Variants in QSOX2 observed in about 807,000 individuals in gnomAD.
QSOX2 encodes sulfhydryl oxidase 2.
QSOX2 carries 46 observed loss-of-function variants against 61.7 expected under a neutral mutation model. The observed-to-expected ratio is 0.75, with a 90% confidence interval of 0.59 to 0.95. The LOEUF is 0.95. QSOX2 is among the 40% of genes least tolerant of loss of function. The probability of loss-of-function intolerance (pLI) is 0.00; values close to 1 mark genes in which losing one functional copy is unlikely to be tolerated. For missense variants in QSOX2, 879 were observed against 918.9 expected, an observed-to-expected ratio of 0.96 and a Z score of 0.56; for synonymous variants, 383 against 388.4, an observed-to-expected ratio of 0.99 and a Z score of 0.16.
intron 9 of QSOX2, among the ~76,000 whole-genome samples, chr9:136,215,809 T>C (rs1371678605): frequency 6.6e-6 from 1 of 152,220 alleles, no homozygotes; most frequent in African/African-American, 2.4e-5. Flanking sequence ...TTTGGTTTCG[T>C]GTCTCATCAA....
At chr9:136,215,384 T>C (rs10858247) in intron 9 of QSOX2, 80 bp from the exon 10 acceptor site, 374,572 of 884,948 alleles carry the variant, frequency 0.42, 68,892 homozygotes, top group Non-Finnish European at 0.45. Context: ...GCTGCCTTCT[T>C]GACTGGGGGG....
rs749425323 is a variant in QSOX2, at chr9:136,208,685, G to A, written c.*43C>T. ...GCTGCAGGTGGCACGGGGCAGGGCT[G>A]CCTCCAAGGGAGCTTCCGCCGTGGC... On this transcript the variant is annotated 3_prime_UTR_variant, in exon 12 of 12. Transcript: ENST00000358701. The A allele has an allele frequency of 6.4e-7, 1 of 1,563,906 alleles. No individual in the cohort carries two copies. The highest frequency in any genetic ancestry group is 1.8e-5 in the Admixed American group (1 of 54,764).
rs1830243358 is a variant in QSOX2, at chr9:136,223,267, G to A, written c.675+496C>T. 1.3e-5 allele frequency among the ~76,000 whole-genome samples: 2 copies of A among 152,206 alleles called. 1 individual carries two copies. Among genetic ancestry groups the A allele is most frequent in the East Asian group, 3.9e-4 (2 of 5,194 alleles). ...TAATGACTCTCCGTGAGCTGCCCCT[G>A]CACCTGGTCCCTGGACCTTATTTAG... On this transcript the variant is annotated intron_variant, in intron 5 of 11. Coordinates refer to ENST00000358701, the MANE Select transcript of QSOX2 (RefSeq NM_181701.4). The surrounding 1 kb of genome is among the most constrained non-coding windows in gnomAD (Gnocchi z 4.4).
In QSOX2 at chr9:136,224,843, C is replaced by T. The variant is rs762251702; in HGVS notation, c.478+18G>A. On this transcript the variant is annotated intron_variant, in intron 3 of 11. Transcript: ENST00000358701. ...GAGGGGAATCTCAGGGACTAAAATA[C>T]AATGCTTATGTCCTTACCTTTAAAA... The T allele has an allele frequency of 2.7e-5, 42 of 1,552,738 alleles. 1 individual carries two copies. The South Asian group carries it at 3.1e-4, about 11-fold the overall frequency.
intron 1 of QSOX2, among the ~76,000 whole-genome samples, chr9:136,241,749 G>T (rs1169893535): frequency 6.6e-6 from 1 of 152,224 alleles, no homozygotes; most frequent in African/African-American, 2.4e-5. Context: ...GCAACCTCAT[G>T]TGCTATCATC....
At chr9:136,224,961 C>G in intron 2 of QSOX2, 52 bp from the exon 3 acceptor site, 1 of 1,423,022 alleles carries the variant, frequency 7.0e-7, no homozygotes, top group South Asian at 1.2e-5. Context: ...TGGGCATCTG[C>G]ATGTGTTTAA....
Position 136,221,567 on chromosome 9 carries a change from C to T in QSOX2, c.821+229G>A, listed in dbSNP as rs1478883853. 6.6e-6 allele frequency among the ~76,000 whole-genome samples: 1 copy of T among 152,238 alleles called. No homozygotes were observed. The highest frequency in any genetic ancestry group is 2.4e-5 in the African/African-American group (1 of 41,458). ...ACTCTTGGTAAGTCACCACGCCAGGCTCCTCCTAGGTGCGGGGACACAGCA... is the reference window on the plus strand; with the variant it reads ...ACTCTTGGTAAGTCACCACGCCAGGTTCCTCCTAGGTGCGGGGACACAGCA... On this transcript the variant is annotated intron_variant, in intron 6 of 11. Transcript: ENST00000358701. The surrounding 1 kb of genome is among the most constrained non-coding windows in gnomAD (Gnocchi z 4.5).
intron 1 of QSOX2, among the ~76,000 whole-genome samples, chr9:136,242,466 C>T (rs1830440624): frequency 6.6e-6 from 1 of 152,260 alleles, no homozygotes; most frequent in Non-Finnish European, 1.5e-5. Context: ...CTGTGTGCCC[C>T]CAGGGGATCA....
At chr9:136,212,059 C>A (rs967936768) in intron 10 of QSOX2, among the ~76,000 whole-genome samples, 44 of 152,258 alleles carry the variant, frequency 2.9e-4, no homozygotes, top group African/African-American at 9.6e-4. Context: ...GGGACGGGTG[C>A]ACCCACAGCC....
intron 1 of QSOX2, among the ~76,000 whole-genome samples, chr9:136,227,163 G>A (rs1007393677): frequency 4.6e-5 from 7 of 152,232 alleles, no homozygotes; most frequent in Non-Finnish European, 4.4e-5. Flanking sequence ...CTAATTAAAT[G>A]ACACCCTGAT....
rs369932963 is a variant in QSOX2 at position 136,224,117 on chromosome 9, C to T, written c.479-5G>A. ...TTCGCAGCTCTCGGTCAGGTCCTGCCGGAAGCACACCAGGGTCAGAGCTGT... is the reference window on the plus strand; with the variant it reads ...TTCGCAGCTCTCGGTCAGGTCCTGCTGGAAGCACACCAGGGTCAGAGCTGT... On this transcript the variant is annotated splice_region_variant and splice_polypyrimidine_tract_variant and intron_variant, in intron 3 of 11. Transcript: ENST00000358701. 297 of 1,611,398 alleles carry T rather than the reference C, an allele frequency of 1.8e-4. No individual in the cohort carries two copies. Among genetic ancestry groups the T allele is most frequent in the Non-Finnish European group, 2.4e-4 (280 of 1,178,144 alleles).
chr9:136,245,523 C>T lies in QSOX2; in HGVS notation c.281G>A (p.Cys94Tyr). 6.3e-7 allele frequency: 1 copy of T among 1,594,378 alleles called. No individual in the cohort carries two copies. Among genetic ancestry groups the T allele is most frequent in the Non-Finnish European group, 8.5e-7 (1 of 1,177,558 alleles). ...VQFYSSWCGH[C>Y]IGYAPTWRAL... ...CCGCCAAGTGGGCGCGTAGCCGATG[C>T]AGTGGCCACACCACGACGAGTAGAA... is the stretch of plus-strand genomic sequence containing the variant. Residue 94 changes from cysteine to tyrosine, a missense_variant, in exon 1 of 12, where the codon TGC (cysteine) becomes TAC (tyrosine). By Grantham distance (194) the Cys-to-Tyr change is radical (BLOSUM62 -2). Transcript: ENST00000358701.
chr9:136,221,145 C>T lies in QSOX2; in HGVS notation c.821+651G>A, dbSNP rs1026453542. On this transcript the variant is annotated intron_variant, in intron 6 of 11. Coordinates refer to ENST00000358701, the MANE Select transcript of QSOX2 (RefSeq NM_181701.4). This position sits in a 1 kb window ranked among gnomAD's most constrained non-coding sequence, Gnocchi z 4.5. ...TCATGAGGGGCACACAGGCACTCCA[C>T]GCAGGGGCGAAGGGCTTATCCTCAT... is the stretch of plus-strand genomic sequence containing the variant. 2.0e-5 allele frequency among the ~76,000 whole-genome samples: 3 copies of T among 150,520 alleles called. No individual in the cohort carries two copies. The highest frequency in any genetic ancestry group is 6.6e-5 in the Admixed American group (1 of 15,132).
chr9:136,212,246 G>A (rs1831855409), intron 10 of QSOX2, among the ~76,000 whole-genome samples: 1 of 152,230 alleles, frequency 6.6e-6, no homozygotes, highest in Admixed American at 6.5e-5. Context: ...GCATGGGGCG[G>A]GGCTCGGCAG....
intron 9 of QSOX2, among the ~76,000 whole-genome samples, chr9:136,215,784 G>A (rs1452847424): frequency 6.6e-6 from 1 of 152,224 alleles, no homozygotes. Flanking sequence ...AGAGCCCCAG[G>A]CAGATTCCGC....
intron 8 of QSOX2, 134 bp downstream of exon 8, chr9:136,218,545 G>T: frequency 9.2e-7 from 1 of 1,085,214 alleles, no homozygotes; most frequent in Non-Finnish European, 1.3e-6. Flanking sequence ...TGGGGCGTGG[G>T]CCTGGGCGAC....
Position 136,245,468 on chromosome 9 carries a change from C to T in QSOX2, c.328+8G>A. ...GTCGGGGGGTCCCCGCGCGGGGGCG[C>T]GCCTCACCTCGCACATCCCCAGCCA... On this transcript the variant is annotated splice_region_variant and intron_variant, in intron 1 of 11. Transcript: ENST00000358701. 6.3e-7 allele frequency: 1 copy of T among 1,584,430 alleles called. No homozygotes were observed. Among genetic ancestry groups the T allele is most frequent in the South Asian group, 1.1e-5 (1 of 89,952 alleles).
intron 11 of QSOX2, chr9:136,210,470 TC>T (rs780101501): frequency 1.0e-5 from 10 of 985,264 alleles, no homozygotes; most frequent in Non-Finnish European, 9.6e-6. Flanking sequence ...AGCCGAGGGC[TC>T]GGGGAAAGCA....
chr9:136,238,277 G>C (rs1053689082), intron 1 of QSOX2, among the ~76,000 whole-genome samples: 1 of 152,240 alleles, frequency 6.6e-6, no homozygotes, highest in Non-Finnish European at 1.5e-5. Context: ...CCAGGAACAA[G>C]AGCCGTGCCC....
Sources: allele counts gnomAD v4.1 joint callset (sites outside exome capture counted in the v4.1 genomes callset), GRCh38; gene constraint gnomAD v4.1.1; non-coding constraint Gnocchi (gnomAD v3.1); transcripts MANE v1.5; gene names NCBI Gene and HGNC (gene_info 2026-07-23, HGNC 2026-07-21).